MRPS28: variants seen among roughly 807,000 people sequenced by gnomAD.
The protein encoded by MRPS28 is mitochondrial ribosomal protein S28, also known as small ribosomal subunit protein bS1m.
Under a neutral mutation model 10.8 loss-of-function variants are expected in MRPS28, and 7 were observed. That is an observed-to-expected ratio of 0.65 (90% CI 0.37 to 1.22). The LOEUF (loss-of-function observed/expected upper bound fraction) is 1.22, where lower values mean the gene tolerates loss of function less well. MRPS28 is among the 50% of genes most tolerant of loss of function. The probability of loss-of-function intolerance (pLI) is 0.02; values close to 1 mark genes in which losing one functional copy is unlikely to be tolerated. For synonymous variants in MRPS28, 121 were observed against 93.3 expected (o/e 1.30, Z -1.71); for missense variants, 265 against 232.9 (o/e 1.14, Z -0.90).
chr8:80,021,006 C>CT (rs372456678), intron 1 of MRPS28, among the ~76,000 whole-genome samples: 14,677 of 143,122 alleles, frequency 0.1, 785 homozygotes, highest in Non-Finnish European at 0.12. Context: ...CACACACACA[C>CT]TTTTTTTTTT....
In MRPS28 at chr8:80,030,207, G is replaced by A. The variant is rs1435594271; in HGVS notation, c.42C>T (p.Ser14=). The A allele has an allele frequency of 1.9e-6, 3 of 1,614,060 alleles. No individual in the cohort carries two copies. The highest frequency in any genetic ancestry group is 2.5e-6 in the Non-Finnish European group (3 of 1,180,054). ...AGAAGAGAAACACTCGCAGAAAATG[G>A]CTCTCGGCAGCCACAGCACGGGTCC... ...LCRTRAVAAE[S]HFLRVFLFFR... Residue 14 remains serine, a synonymous_variant, in exon 1 of 3, where the codon AGC becomes AGT. Coordinates refer to ENST00000276585, the MANE Select transcript of MRPS28 (RefSeq NM_014018.3).
chr8:80,018,745 T>G (rs983881543), intron 1 of MRPS28, among the ~76,000 whole-genome samples: 1 of 152,186 alleles, frequency 6.6e-6, no homozygotes, highest in Non-Finnish European at 1.5e-5. Context: ...GCAACCTAAG[T>G]GCCCATCAAC....
At chr8:79,953,675 A>G (rs1807135324) in intron 2 of MRPS28, among the ~76,000 whole-genome samples, 1 of 152,210 alleles carries the variant, frequency 6.6e-6, no homozygotes, top group Non-Finnish European at 1.5e-5. Flanking sequence ...TAAACTGAAC[A>G]CAAAAAGTAT....
chr8:80,004,072 C>T (rs565220667), intron 1 of MRPS28, among the ~76,000 whole-genome samples: 7 of 152,286 alleles, frequency 4.6e-5, no homozygotes, highest in South Asian at 4.1e-4. Flanking sequence ...AGGGCATAGC[C>T]GAACAAAAGG....
intron 2 of MRPS28, among the ~76,000 whole-genome samples, chr8:79,985,666 G>GA (rs1808135470): frequency 6.6e-6 from 1 of 152,156 alleles, no homozygotes; most frequent in Admixed American, 6.5e-5. Flanking sequence ...AAATAAACTA[G>GA]AAAATCTAGA....
At position 80,030,101 on chromosome 8, in the gene MRPS28, C is replaced by T. The variant is rs1408864288; in HGVS notation, c.148G>A (p.Gly50Ser). ...CGCTCCAACGCGCTCGCGAAACCGCCTGCGCGCGTCTTAGGCTCCTTGGCA... is the reference window on the plus strand; with the variant it reads ...CGCTCCAACGCGCTCGCGAAACCGCTTGCGCGCGTCTTAGGCTCCTTGGCA... ...SNAKEPKTRAGGFASALERHS... is the reference protein window; with the variant it reads ...SNAKEPKTRASGFASALERHS... Residue 50 changes from glycine (G) to serine (S), a missense_variant, in exon 1 of 3, where the codon GGC becomes AGC. Transcript: ENST00000276585. 4.3e-6 allele frequency: 7 copies of T among 1,611,806 alleles called. No individual in the cohort carries two copies. In the South Asian group the frequency reaches 4.4e-5, roughly 10 times the overall value.
intron 1 of MRPS28, among the ~76,000 whole-genome samples, chr8:80,012,085 T>C (rs998090690): frequency 7.9e-5 from 12 of 151,036 alleles, no homozygotes; most frequent in African/African-American, 2.7e-4. Flanking sequence ...TTACTTTTTA[T>C]AGGTAACTTT....
At chr8:80,028,682 C>T (rs1465209049) in intron 1 of MRPS28, 1 of 92,142 alleles carries the variant, frequency 1.1e-5, no homozygotes, top group Admixed American at 1.4e-4. Context: ...GTCAGCCAGG[C>T]CAGGTGGCTC....
Position 80,030,062 on chromosome 8 carries a change from G to T in MRPS28, c.187C>A (p.Leu63Ile). ...TTCTGTAGGGGCTCCACCTTCTGTA[G>T]AAGCTCCGAGTGCCGCTCCAACGCG... ...ASALERHSELLQKVEPLQKGS... is the reference protein window; with the variant it reads ...ASALERHSELIQKVEPLQKGS... Residue 63 changes from leucine (L) to isoleucine (I), a missense_variant, in exon 1 of 3, where the codon CTA (leucine) becomes ATA (isoleucine). Coordinates refer to ENST00000276585, the MANE Select transcript of MRPS28 (RefSeq NM_014018.3). 1 of 1,613,588 alleles carries T rather than the reference G, an allele frequency of 6.2e-7. No individual in the cohort carries two copies. The highest frequency in any genetic ancestry group is 8.5e-7 in the Non-Finnish European group (1 of 1,179,760).
intron 2 of MRPS28, among the ~76,000 whole-genome samples, chr8:79,970,257 A>G (rs1228190224): frequency 6.6e-6 from 1 of 152,172 alleles, no homozygotes; most frequent in African/African-American, 2.4e-5. Context: ...GTTAATGGGT[A>G]TATTGGGGGA....
rs200856959 is a variant in MRPS28 at position 79,939,625 on chromosome 8, A to G, written c.396-20477T>C. Among the ~76,000 whole-genome samples the G allele has an allele frequency of 7.2e-5, 11 of 152,298 alleles. No homozygotes were observed. In the East Asian group the frequency reaches 2.1e-3, roughly 29 times the overall value. The stretch of plus-strand genomic sequence containing the variant: ...CTCAATTTCCGACATGGTTTTTAGA[A>G]GAAAACCACTTCTAATCTCCTCTTA... On this transcript the variant is annotated intron_variant, in intron 2 of 2. Coordinates refer to ENST00000276585, the MANE Select transcript of MRPS28 (RefSeq NM_014018.3).
At position 79,918,781 on chromosome 8, in the gene MRPS28, C is replaced by T. The variant is rs2129821489; in HGVS notation, c.*199G>A. 3.7e-6 allele frequency: 1 copy of T among 271,068 alleles called. No individual in the cohort carries two copies. The highest frequency in any genetic ancestry group is 6.4e-6 in the Non-Finnish European group (1 of 157,294). 16.8% of individuals were successfully genotyped at this position (271,068 alleles called of 1,614,324 possible). On this transcript the variant is annotated 3_prime_UTR_variant, in exon 3 of 3. Coordinates refer to ENST00000276585, the MANE Select transcript of MRPS28 (RefSeq NM_014018.3). The stretch of plus-strand genomic sequence containing the variant: ...TTAGTACAGTGTATACTATCCCCAC[C>T]AAAGGAAAAAAACATTAAGAGCAAA...
chr8:80,029,658 ACAAGACC>A, intron 1 of MRPS28: 1 of 1,170,194 alleles, frequency 8.5e-7, no homozygotes, highest in Non-Finnish European at 1.1e-6. Context: ...ACTGTTCAGA[ACAAGACC>A]CAGCAGAGCC....
At chr8:79,945,825 T>C (rs1393550341) in intron 2 of MRPS28, among the ~76,000 whole-genome samples, 1 of 152,180 alleles carries the variant, frequency 6.6e-6, no homozygotes, top group African/African-American at 2.4e-5. Flanking sequence ...AGCAAGCCCA[T>C]TCAAGTAATC....
At chr8:79,962,164 G>A (rs1807386335) in intron 2 of MRPS28, among the ~76,000 whole-genome samples, 2 of 151,914 alleles carry the variant, frequency 1.3e-5, no homozygotes, top group Admixed American at 1.3e-4. Context: ...AAAGGAGAAG[G>A]GTAACCTGAG....
intron 2 of MRPS28, among the ~76,000 whole-genome samples, chr8:79,930,509 G>A (rs144580856): frequency 5.3e-4 from 80 of 152,314 alleles, no homozygotes; most frequent in African/African-American, 1.9e-3. Context: ...CAAACTGGGG[G>A]TCTGAAGTCT....
chr8:79,927,656 C>T (rs1481851434), intron 2 of MRPS28, among the ~76,000 whole-genome samples: 1 of 152,210 alleles, frequency 6.6e-6, no homozygotes, highest in African/African-American at 2.4e-5. Flanking sequence ...CTCCTCTCCT[C>T]TCAACCCCAG....
At chr8:79,921,003 C>G (rs1810077661) in intron 2 of MRPS28, among the ~76,000 whole-genome samples, 1 of 152,256 alleles carries the variant, frequency 6.6e-6, no homozygotes, top group Non-Finnish European at 1.5e-5. Flanking sequence ...CAGCTTTCTA[C>G]ATATGGCTAG....
intron 2 of MRPS28, 119 bp downstream of exon 2, chr8:80,002,880 T>C (rs994677693): frequency 1.3e-4 from 114 of 885,708 alleles, no homozygotes; most frequent in Middle Eastern, 8.6e-4. Context: ...TGCAGCATTA[T>C]CAAGACAAAT....
Sources: gnomAD v4.1 joint callset for allele counts (sites outside exome capture counted in the v4.1 genomes callset) on GRCh38, gnomAD v4.1.1 for gene constraint, MANE v1.5 for transcripts, NCBI Gene and HGNC (gene_info 2026-07-23, HGNC 2026-07-21) for gene names.